The following SLC49A4 variants were observed in gnomAD, a reference collection of about 807,000 sequenced individuals.
The protein encoded by SLC49A4 is solute carrier family 49 member 4.
In SLC49A4, 36 loss-of-function variants were observed where a neutral mutation model predicts 50.6. The ratio of observed to expected loss-of-function variants is 0.71; its 90% CI spans 0.55 to 0.94. The LOEUF is 0.94. Ranked by LOEUF, SLC49A4 falls within the 40% of genes least tolerant of loss-of-function variation. SLC49A4 has a pLI of 0.00. For missense variants in SLC49A4, 503 were observed against 605.7 expected (o/e 0.83, Z 1.78); for synonymous variants, 248 against 241.2 (o/e 1.03, Z -0.26).
chr3:122,863,141 A>G (rs1937077016), intron 7 of SLC49A4, among the ~76,000 whole-genome samples: 1 of 152,146 alleles, frequency 6.6e-6, no homozygotes, highest in African/African-American at 2.4e-5. Context: ...TCACTTAGAT[A>G]CTCTTGAAAG....
chr3:122,840,207 G>A (rs1040431893), intron 4 of SLC49A4, among the ~76,000 whole-genome samples: 3 of 152,162 alleles, frequency 2.0e-5, no homozygotes, highest in Non-Finnish European at 4.4e-5. Context: ...AGACAGAGTG[G>A]TATAGTGGAC....
chr3:122,826,897 A>T lies in SLC49A4; in HGVS notation c.535A>T (p.Arg179Trp). ...TACGACGTGGTTTTCTGCAGATGAA[A>T]GGGCCACAGCCACAGCTATTGCATC... is the stretch of plus-strand genomic sequence containing the variant. ...LSTTWFSADERATATAIASML... is the reference protein window; with the variant it reads ...LSTTWFSADEWATATAIASML... Residue 179 changes from arginine (R) to tryptophan (W), a missense_variant, in exon 3 of 9, where the codon AGG becomes TGG. Transcript: ENST00000261038. 1 of 1,614,222 alleles carries T rather than the reference A, an allele frequency of 6.2e-7. No homozygotes were observed.
At chr3:122,854,915 C>T (rs1257505161) in intron 5 of SLC49A4, among the ~76,000 whole-genome samples, 1 of 151,900 alleles carries the variant, frequency 6.6e-6, no homozygotes, top group Non-Finnish European at 1.5e-5. Flanking sequence ...CACGGTGAAA[C>T]CCAGTCTCTA....
chr3:122,846,940 G>A (rs969030929), intron 5 of SLC49A4, among the ~76,000 whole-genome samples: 8 of 152,202 alleles, frequency 5.3e-5, no homozygotes, highest in Non-Finnish European at 1.2e-4. Flanking sequence ...CTGAGAAATG[G>A]GCTGCACATA....
At chr3:122,854,969 T>C (rs999325688) in intron 5 of SLC49A4, among the ~76,000 whole-genome samples, 1 of 151,836 alleles carries the variant, frequency 6.6e-6, no homozygotes, top group Admixed American at 6.6e-5. Flanking sequence ...GGCGGGCGCC[T>C]GTAGTCCCAG....
chr3:122,820,136 G>A (rs1936430823), intron 2 of SLC49A4, among the ~76,000 whole-genome samples: 1 of 152,096 alleles, frequency 6.6e-6, no homozygotes, highest in African/African-American at 2.4e-5. Flanking sequence ...TGTACTGTGT[G>A]CCTTTGGATT....
At chr3:122,834,779 T>A (rs912466108) in intron 4 of SLC49A4, among the ~76,000 whole-genome samples, 1 of 151,952 alleles carries the variant, frequency 6.6e-6, no homozygotes, top group African/African-American at 2.4e-5. Context: ...GTTGGCTATT[T>A]GAAAAGATAA....
chr3:122,862,092 G>T (rs897904641), intron 7 of SLC49A4, among the ~76,000 whole-genome samples: 1 of 152,150 alleles, frequency 6.6e-6, no homozygotes, highest in Non-Finnish European at 1.5e-5. Flanking sequence ...CTTGCAGTGC[G>T]CATCAGTGCA....
chr3:122,870,678 T>C (rs774346210), intron 7 of SLC49A4, among the ~76,000 whole-genome samples: 4 of 151,454 alleles, frequency 2.6e-5, no homozygotes, highest in Non-Finnish European at 5.9e-5. Flanking sequence ...CTTGGCATGG[T>C]GGCACGAACC....
chr3:122,831,003 G>A (rs1936601301), intron 3 of SLC49A4, among the ~76,000 whole-genome samples: 1 of 152,074 alleles, frequency 6.6e-6, no homozygotes, highest in African/African-American at 2.4e-5. Context: ...ATACACAAAT[G>A]TTCATCGAAC....
At position 122,879,882 on chromosome 3, in the gene SLC49A4, T is replaced by A. The variant is rs558868097; in HGVS notation, c.*504T>A. ...TGATGGAAATTAGCCACATGTACAC[T>A]ACATTTTTTCTAATAAAGCCATTTC... On this transcript the variant is annotated 3_prime_UTR_variant, in exon 9 of 9. Transcript: ENST00000261038. 1 of 153,070 alleles carries A rather than the reference T, an allele frequency of 6.5e-6. No homozygotes were observed. Among genetic ancestry groups the A allele is most frequent in the East Asian group, 1.9e-4 (1 of 5,198 alleles). 9.5% of individuals were successfully genotyped at this position (153,070 alleles called of 1,614,324 possible). A position where few individuals can be genotyped will look rare whatever the true frequency, so the allele number is the denominator to read the frequency against.
intron 7 of SLC49A4, among the ~76,000 whole-genome samples, chr3:122,868,346 A>C (rs904486306): frequency 4.6e-5 from 7 of 152,222 alleles, no homozygotes; most frequent in Non-Finnish European, 1.0e-4. Flanking sequence ...AAAAAACTGC[A>C]TCAGCACTTC....
At chr3:122,842,378 C>T (rs1018964440) in intron 4 of SLC49A4, among the ~76,000 whole-genome samples, 7 of 144,838 alleles carry the variant, frequency 4.8e-5, no homozygotes, top group Non-Finnish European at 9.0e-5. Context: ...CCCAGCTACT[C>T]GGGAGGCTGA....
At chr3:122,834,915 A>G (rs79280096) in intron 4 of SLC49A4, among the ~76,000 whole-genome samples, 1,718 of 152,290 alleles carry the variant, frequency 0.011, 20 homozygotes, top group Non-Finnish European at 0.02. Flanking sequence ...CAAGACTACT[A>G]TGAACACCTC....
chr3:122,876,324 A>G (rs1937267600), intron 8 of SLC49A4, among the ~76,000 whole-genome samples: 1 of 152,192 alleles, frequency 6.6e-6, no homozygotes, highest in Non-Finnish European at 1.5e-5. Context: ...CATGATTTTT[A>G]TCTCAGCTCT....
chr3:122,797,166 A>G (rs989681342), intron 1 of SLC49A4, among the ~76,000 whole-genome samples: 1 of 151,900 alleles, frequency 6.6e-6, no homozygotes, highest in Admixed American at 6.6e-5. Context: ...CTGCTAAAAA[A>G]GAAAGGACAG....
At position 122,795,089 on chromosome 3, in the gene SLC49A4, C is replaced by T. The variant is rs1045605119; in HGVS notation, c.-104C>T. The stretch of plus-strand genomic sequence containing the variant: ...GGCGCGGTCCGGAGGCCGAGGGCGA[C>T]CACAGCAGCCTCCGCCTCCTGCTGC... On this transcript the variant is annotated 5_prime_UTR_variant, in exon 1 of 9. Coordinates refer to ENST00000261038, the MANE Select transcript of SLC49A4 (RefSeq NM_032839.3). 1.5e-4 allele frequency: 184 copies of T among 1,203,116 alleles called. No homozygotes were observed. Among genetic ancestry groups the T allele is most frequent in the Non-Finnish European group, 1.9e-4 (181 of 964,610 alleles). 74.5% of individuals were successfully genotyped at this position (1,203,116 alleles called of 1,614,324 possible).
chr3:122,863,318 G>A (rs779413379), intron 7 of SLC49A4, among the ~76,000 whole-genome samples: 31 of 152,262 alleles, frequency 2.0e-4, no homozygotes, highest in Middle Eastern at 3.4e-3. Flanking sequence ...GCATGGTTTT[G>A]TGCCAACTCC....
chr3:122,844,519 C>T (rs112745147), intron 4 of SLC49A4, among the ~76,000 whole-genome samples: 166 of 152,238 alleles, frequency 1.1e-3, no homozygotes, highest in East Asian at 4.1e-3. Flanking sequence ...CAATGTCTCA[C>T]GCCTGTAATC....
Sources: allele counts gnomAD v4.1 joint callset (sites outside exome capture counted in the v4.1 genomes callset), GRCh38; gene constraint gnomAD v4.1.1; transcripts MANE v1.5; gene names NCBI Gene and HGNC (gene_info 2026-07-23, HGNC 2026-07-21).